AZIN2: variants seen among roughly 807,000 people sequenced by gnomAD.
AZIN2 encodes antizyme inhibitor 2, also known as ODC antizyme inhibitor-2.
AZIN2 carries 28 observed loss-of-function variants against 47.8 expected under a neutral mutation model. The ratio of observed to expected loss-of-function variants is 0.59; its 90% CI spans 0.43 to 0.80. AZIN2 has a LOEUF of 0.80. AZIN2 is among the 30% of genes least tolerant of loss of function. AZIN2 has a pLI of 0.00. For missense variants in AZIN2, 535 were observed against 582.5 expected (o/e 0.92, Z 0.84); for synonymous variants, 221 against 239.4 (o/e 0.92, Z 0.71).
the AZIN2 span, chr1:33,163,005 T>C: frequency 5.9e-5 from 9 of 152,230 alleles, no homozygotes; most frequent in African/African-American, 2.2e-4. Context: ...GGGACGATTT[T>C]TTTTCTTTCC....
downstream of AZIN2, among the ~76,000 whole-genome samples, chr1:33,128,025 G>A (rs1644869099): frequency 6.6e-6 from 1 of 152,022 alleles, no homozygotes; most frequent in Non-Finnish European, 1.5e-5. Flanking sequence ...TGTAAAATAG[G>A]ATAATAGTAT....
chr1:33,114,027 A>G (rs1299398160), intron 10 of AZIN2, among the ~76,000 whole-genome samples: 1 of 151,682 alleles, frequency 6.6e-6, no homozygotes, highest in African/African-American at 2.4e-5. Context: ...GTTTTTGCCT[A>G]TATATTCACA....
intron 10 of AZIN2, among the ~76,000 whole-genome samples, chr1:33,104,684 T>C (rs1643912306): frequency 6.6e-6 from 1 of 152,086 alleles, no homozygotes; most frequent in South Asian, 2.1e-4. Flanking sequence ...TTTTTTTGGG[T>C]TTAATGGCTA....
At chr1:33,118,775 T>TAA (rs1003849593) in intron 11 of AZIN2, 1 of 143,350 alleles carries the variant, frequency 7.0e-6, no homozygotes, top group Admixed American at 6.7e-5. Flanking sequence ...AAAATAAGCG[T>TAA]AACAGTAGCC....
chr1:33,104,018 G>A (rs1234389954), intron 10 of AZIN2, among the ~76,000 whole-genome samples: 1 of 152,004 alleles, frequency 6.6e-6, no homozygotes, highest in African/African-American at 2.4e-5. Flanking sequence ...GAGTAGCTGG[G>A]ATTACAGGCG....
chr1:33,147,740 G>T, the AZIN2 span: 1 of 1,602,696 alleles, frequency 6.2e-7, no homozygotes, highest in African/African-American at 1.3e-5. The surrounding 1 kb of genome is among the most constrained non-coding windows in gnomAD (Gnocchi z 8.1). Flanking sequence ...GTGGGGGTTG[G>T]AGGAGGGAGA....
chr1:33,112,638 G>A (rs1397911831), intron 10 of AZIN2, among the ~76,000 whole-genome samples: 5 of 152,094 alleles, frequency 3.3e-5, no homozygotes, highest in Admixed American at 1.3e-4. Context: ...CAAAGATACT[G>A]GAAATTTTAT....
At position 33,120,194 on chromosome 1, in the gene AZIN2, TC is replaced by T. The variant is rs771196097; in HGVS notation, c.*18del. ...CGAGCATCATGTGAGTGGGCCTCGT[TC>T]CCCCCGGAGAATCCCAGCGGGGCCT... On this transcript the variant is annotated 3_prime_UTR_variant, in exon 12 of 12. Coordinates refer to ENST00000294517, the MANE Select transcript of AZIN2 (RefSeq NM_052998.4). 1.3e-6 allele frequency: 2 copies of T among 1,594,154 alleles called. No homozygotes were observed. The highest frequency in any genetic ancestry group is 1.7e-6 in the Non-Finnish European group (2 of 1,165,620).
chr1:33,099,028 G>T (rs1024887648), intron 10 of AZIN2, among the ~76,000 whole-genome samples: 1 of 151,776 alleles, frequency 6.6e-6, no homozygotes, highest in African/African-American at 2.4e-5. Flanking sequence ...GCCTCCCAAA[G>T]TGCTGGGATT....
the AZIN2 span, among the ~76,000 whole-genome samples, chr1:33,155,821 G>T: frequency 6.6e-6 from 1 of 152,178 alleles, no homozygotes; most frequent in Non-Finnish European, 1.5e-5. Flanking sequence ...CCTTGGGGGG[G>T]ATCTGTGATT....
chr1:33,093,487 A>G, intron 7 of AZIN2, 71 bp downstream of exon 7: 12 of 1,553,448 alleles, frequency 7.7e-6, no homozygotes, highest in Non-Finnish European at 9.6e-6. Flanking sequence ...AATTAATTCT[A>G]TATGAGACCT....
At chr1:33,159,682 A>C in the AZIN2 span, 6 of 1,602,460 alleles carry the variant, frequency 3.7e-6, no homozygotes, top group Admixed American at 8.4e-5. The surrounding 1 kb of genome is among the most constrained non-coding windows in gnomAD (Gnocchi z 4.2). Flanking sequence ...GGCGGGTGGC[A>C]CTTACCGCTC....
At chr1:33,123,855 G>A (rs1644837444), downstream of AZIN2, among the ~76,000 whole-genome samples, 1 of 152,180 alleles carries the variant, frequency 6.6e-6, no homozygotes, top group Non-Finnish European at 1.5e-5. Flanking sequence ...AAAATTAGCT[G>A]GGTGTGGTGG....
intron 5 of AZIN2, among the ~76,000 whole-genome samples, chr1:33,089,031 T>C (rs541400085): frequency 3.3e-5 from 5 of 152,290 alleles, no homozygotes; most frequent in East Asian, 1.9e-4. Flanking sequence ...GGCAACTCAA[T>C]AGATGCTCAA....
At chr1:33,148,014 G>A in the AZIN2 span, among the ~76,000 whole-genome samples, 1 of 152,186 alleles carries the variant, frequency 6.6e-6, no homozygotes, top group Non-Finnish European at 1.5e-5. Context: ...ACTGGCAAAT[G>A]TTTGTTGAAT....
the AZIN2 span, among the ~76,000 whole-genome samples, chr1:33,161,305 A>G: frequency 6.6e-6 from 1 of 152,186 alleles, no homozygotes; most frequent in Non-Finnish European, 1.5e-5. This position sits in a 1 kb window ranked among gnomAD's most constrained non-coding sequence, Gnocchi z 4.3. Flanking sequence ...AGGGAGCCGC[A>G]TGAGGAAGGG....
chr1:33,096,207 G>T (rs1643132683), intron 8 of AZIN2, among the ~76,000 whole-genome samples: 1 of 152,154 alleles, frequency 6.6e-6, no homozygotes, highest in South Asian at 2.1e-4. Context: ...AGTGGAAGTG[G>T]ATCATCATAA....
the AZIN2 span, chr1:33,147,477 G>A: frequency 6.2e-7 from 1 of 1,613,840 alleles, no homozygotes; most frequent in Non-Finnish European, 8.5e-7. The surrounding 1 kb of genome is among the most constrained non-coding windows in gnomAD (Gnocchi z 8.1). Context: ...TCTGGATGCT[G>A]CCCTTGCGGC....
At chr1:33,126,961 G>A (rs1644860967), downstream of AZIN2, among the ~76,000 whole-genome samples, 1 of 152,206 alleles carries the variant, frequency 6.6e-6, no homozygotes, top group Admixed American at 6.5e-5. Flanking sequence ...ACTCTGGCAA[G>A]TCCCTGTACG....
Sources: gnomAD v4.1 joint callset for allele counts (sites outside exome capture counted in the v4.1 genomes callset) on GRCh38, gnomAD v4.1.1 for gene constraint, Gnocchi (gnomAD v3.1) non-coding constraint, MANE v1.5 for transcripts, NCBI Gene and HGNC (gene_info 2026-07-23, HGNC 2026-07-21) for gene names.